The following CRISPLD2 variants were observed in gnomAD, a reference collection of about 807,000 sequenced individuals.
CRISPLD2 encodes the protein cysteine rich secretory protein LCCL domain containing 2.
Under a neutral mutation model 71.1 loss-of-function variants are expected in CRISPLD2, and 47 were observed. The observed-to-expected ratio is 0.66, with a 90% confidence interval of 0.52 to 0.84. The LOEUF is 0.84. CRISPLD2 is among the 40% of genes least tolerant of loss of function. The probability of loss-of-function intolerance (pLI) is 0.00; values close to 1 mark genes in which losing one functional copy is unlikely to be tolerated. For synonymous variants in CRISPLD2, 317 were observed against 250.1 expected (o/e 1.27, Z -2.52); for missense variants, 830 against 651.1 (o/e 1.27, Z -2.99).
intron 13 of CRISPLD2, chr16:84,880,841 G>T (rs1461497126): frequency 1.7e-5 from 5 of 302,044 alleles, no homozygotes; most frequent in Non-Finnish European, 3.1e-5. Context: ...AAGTAGCTGG[G>T]GTTACACAGT....
chr16:84,847,076 C>A (rs1443001582), intron 3 of CRISPLD2, among the ~76,000 whole-genome samples: 1 of 152,234 alleles, frequency 6.6e-6, no homozygotes, highest in Non-Finnish European at 1.5e-5. Flanking sequence ...CGTCCTCAGA[C>A]CCATCCAGGA....
At chr16:84,842,392 TGAGACAGA>T (rs1567683271) in intron 2 of CRISPLD2, 2 of 148,570 alleles carry the variant, frequency 1.3e-5, no homozygotes, top group African/African-American at 5.0e-5. Flanking sequence ...GTTTTTTTTT[TGAGACAGA>T]TTCTAGCACT....
chr16:84,845,076 G>T (rs1221394313), intron 2 of CRISPLD2, among the ~76,000 whole-genome samples: 6 of 152,304 alleles, frequency 3.9e-5, no homozygotes, highest in Non-Finnish European at 4.4e-5. Context: ...ACCTGCTGTG[G>T]TCCACACATA....
chr16:84,872,906 T>G, intron 9 of CRISPLD2, 86 bp from the exon 10 acceptor site: 3 of 1,502,616 alleles, frequency 2.0e-6, no homozygotes, highest in Middle Eastern at 2.5e-4. Context: ...TTTAGTGAGT[T>G]GAGGACAAAT....
chr16:84,821,232 G>A (rs150367113), intron 1 of CRISPLD2, among the ~76,000 whole-genome samples: 9 of 152,290 alleles, frequency 5.9e-5, no homozygotes, highest in Middle Eastern at 6.8e-3. Context: ...GAACAGGACC[G>A]GGGCGTGGTC....
At chr16:84,849,363 G>A (rs774011086) in intron 3 of CRISPLD2, 22 bp from the exon 4 acceptor site, 2 of 1,606,650 alleles carry the variant, frequency 1.2e-6, no homozygotes, top group South Asian at 2.2e-5. Context: ...CTGGGACTGA[G>A]TGAGCGGTTT....
chr16:84,835,289 C>T (rs984106854), intron 1 of CRISPLD2, among the ~76,000 whole-genome samples: 4 of 152,048 alleles, frequency 2.6e-5, no homozygotes, highest in African/African-American at 9.7e-5. Context: ...GGGGTTTCTC[C>T]GTGTTGGCCA....
At chr16:84,872,184 C>T (rs1232779949) in intron 8 of CRISPLD2, among the ~76,000 whole-genome samples, 2 of 152,136 alleles carry the variant, frequency 1.3e-5, no homozygotes, top group Non-Finnish European at 1.5e-5. Context: ...ATAAGGGACT[C>T]GAGCATCTGC....
intron 6 of CRISPLD2, among the ~76,000 whole-genome samples, chr16:84,862,479 C>T (rs112542402): frequency 2.6e-5 from 4 of 152,260 alleles, no homozygotes; most frequent in Middle Eastern, 3.4e-3. Context: ...CAGGCGTGCA[C>T]CATCATGCCC....
At chr16:84,831,451 G>A (rs1278480074) in intron 1 of CRISPLD2, among the ~76,000 whole-genome samples, 1 of 152,140 alleles carries the variant, frequency 6.6e-6, no homozygotes, top group East Asian at 1.9e-4. Context: ...CGCCCAGGCT[G>A]GAAAGCAGTA....
chr16:84,883,242 G>A (rs2071583721), intron 13 of CRISPLD2, among the ~76,000 whole-genome samples: 1 of 152,210 alleles, frequency 6.6e-6, no homozygotes, highest in Non-Finnish European at 1.5e-5. Context: ...AAATGATGAT[G>A]GCTTTTGGAA....
At chr16:84,878,761 C>T (rs924890245) in intron 12 of CRISPLD2, among the ~76,000 whole-genome samples, 2 of 152,352 alleles carry the variant, frequency 1.3e-5, no homozygotes, top group Admixed American at 1.3e-4. Flanking sequence ...GTGGAAAAGG[C>T]CGCAGGTCTC....
At chr16:84,884,480 C>T (rs1388852691) in intron 13 of CRISPLD2, among the ~76,000 whole-genome samples, 1 of 152,250 alleles carries the variant, frequency 6.6e-6, no homozygotes, top group Non-Finnish European at 1.5e-5. Context: ...CCAAGTCACA[C>T]AGCCAGCCGG....
intron 2 of CRISPLD2, among the ~76,000 whole-genome samples, chr16:84,843,669 G>A (rs1916835742): frequency 1.3e-5 from 2 of 152,078 alleles, no homozygotes; most frequent in African/African-American, 2.4e-5. Flanking sequence ...GAATGATGCT[G>A]TTATCATTTA....
chr16:84,854,674 C>G, intron 5 of CRISPLD2, 55 bp from the exon 6 acceptor site: 2 of 1,311,004 alleles, frequency 1.5e-6, no homozygotes, highest in South Asian at 2.4e-5. Context: ...GAGGATCAGT[C>G]CCGAGGCCTC....
chr16:84,901,046 CA>C (rs367812875), intron 14 of CRISPLD2, among the ~76,000 whole-genome samples: 1,561 of 128,140 alleles, frequency 0.012, 23 homozygotes, highest in African/African-American at 0.038. Context: ...CACACACACG[CA>C]AAAAAAAAAA....
rs60555979 is a variant in CRISPLD2, at chr16:84,889,752, TTGTGTGTG to T, written c.1439+420_1439+427del. 9.3e-4 allele frequency among the ~76,000 whole-genome samples: 130 copies of T among 139,314 alleles called. 1 individual carries two copies. The highest frequency in any genetic ancestry group is 2.9e-3 in the African/African-American group (109 of 37,658). 91.4% of individuals were successfully genotyped at this position (139,314 alleles called of 152,430 possible). A position where few individuals can be genotyped will look rare whatever the true frequency, so the allele number is the denominator to read the frequency against. On this transcript the variant is annotated intron_variant, in intron 14 of 14. Coordinates refer to ENST00000262424, the MANE Select transcript of CRISPLD2 (RefSeq NM_031476.4). ...CGTGCGTCCTTCCGGTTGTTTTTCT[TTGTGTGTG>T]TGTGTGTGTGTGTGTGTGTGTGTGT...
chr16:84,841,026 G>A (rs1474539020), intron 2 of CRISPLD2, among the ~76,000 whole-genome samples: 4 of 152,186 alleles, frequency 2.6e-5, no homozygotes, highest in African/African-American at 4.8e-5. Context: ...CGGCACCTCC[G>A]GACTAGTGTA....
In CRISPLD2 at chr16:84,850,691, A is replaced by C. The variant is rs764695065; in HGVS notation, c.608+8A>C. On this transcript the variant is annotated splice_region_variant and intron_variant, in intron 5 of 14. Transcript: ENST00000262424. ...CTGCAATTATTCTCCAAAGTAAGACAAGTTGATGCCGTTGTATGGGGTGGG... is the reference window on the plus strand; with the variant it reads ...CTGCAATTATTCTCCAAAGTAAGACCAGTTGATGCCGTTGTATGGGGTGGG... 1.2e-6 allele frequency: 2 copies of C among 1,606,972 alleles called. No individual in the cohort carries two copies. The highest frequency in any genetic ancestry group is 1.1e-5 in the South Asian group (1 of 90,934).
Sources: gnomAD v4.1 joint callset for allele counts (sites outside exome capture counted in the v4.1 genomes callset) on GRCh38, gnomAD v4.1.1 for gene constraint, MANE v1.5 for transcripts, NCBI Gene and HGNC (gene_info 2026-07-23, HGNC 2026-07-21) for gene names.